Variants in EXPH5 observed in about 807,000 individuals in gnomAD.
EXPH5 encodes the protein exophilin 5.
EXPH5 carries 42 observed loss-of-function variants against 41.1 expected under a neutral mutation model. That is an observed-to-expected ratio of 1.02 (90% confidence interval 0.80 to 1.32). The LOEUF (loss-of-function observed/expected upper bound fraction) is 1.32, where lower values mean the gene tolerates loss of function less well. EXPH5 is among the 40% of genes most tolerant of loss of function. EXPH5 has a pLI of 0.00. For synonymous variants in EXPH5, 798 were observed against 833.5 expected, an observed-to-expected ratio of 0.96 and a Z score of 0.73; for missense variants, 2,298 against 2,314.5, an observed-to-expected ratio of 0.99 and a Z score of 0.15.
chr11:108,522,681 A>G (rs548814615), intron 4 of EXPH5, among the ~76,000 whole-genome samples: 1 of 152,252 alleles, frequency 6.6e-6, no homozygotes, highest in South Asian at 2.1e-4. Context: ...TGTGACCTAG[A>G]AGAGAAGTAA....
intron 1 of EXPH5, among the ~76,000 whole-genome samples, chr11:108,571,308 T>C (rs915121084): frequency 6.6e-6 from 1 of 152,190 alleles, no homozygotes; most frequent in Non-Finnish European, 1.5e-5. Context: ...TGCTATACCA[T>C]AACCCACAAC....
chr11:108,594,386 T>C (rs1458554171), upstream of EXPH5, among the ~76,000 whole-genome samples: 1 of 152,210 alleles, frequency 6.6e-6, no homozygotes, highest in Non-Finnish European at 1.5e-5. Flanking sequence ...AGAAAACACC[T>C]GTTAGAAGTT....
In EXPH5 at chr11:108,514,413, C is replaced by G; in HGVS notation, c.1094G>C (p.Arg365Thr). The G allele has an allele frequency of 6.2e-7, 1 of 1,614,112 alleles. No individual in the cohort carries two copies. The highest frequency in any genetic ancestry group is 8.5e-7 in the Non-Finnish European group (1 of 1,180,012). ...IPPRHQQSPK[R>T]TPLSSIIWNR... ...CCATATGATGGATGATAAAGGAGTT[C>G]TCTTTGGACTCTGCTGGTGCCTTGG... Residue 365 changes from arginine (R) to threonine (T), a missense_variant, in exon 6 of 6, where the codon AGA (arginine) becomes ACA (threonine). By Grantham distance (71) the Arg-to-Thr change is moderately conservative (BLOSUM62 -1). Transcript: ENST00000265843.
At chr11:108,550,032 A>C (rs1034018027) in intron 1 of EXPH5, among the ~76,000 whole-genome samples, 10 of 152,190 alleles carry the variant, frequency 6.6e-5, no homozygotes, top group African/African-American at 2.4e-4. Flanking sequence ...CAAGGAAGCA[A>C]AACAGAAATA....
Position 108,512,570 on chromosome 11 carries a change from A to G in EXPH5, c.2937T>C (p.His979=), listed in dbSNP as rs2093690088. Reference sequence around the variant, plus strand: ...TGCTTAACTTTTCAATACAGGATATATGATGCCTTATTTTTCCTTTTCCTC... The same window carrying G: ...TGCTTAACTTTTCAATACAGGATATGTGATGCCTTATTTTTCCTTTTCCTC... ...NERGKGKIRH[H]ISCIEKLSKT... is the part of the protein sequence containing the mutation. The change falls in exon 6 of 6, where the codon CAT becomes CAC. Residue 979 remains histidine (H), a synonymous_variant. Transcript: ENST00000265843. 2 of 1,612,558 alleles carry G rather than the reference A, an allele frequency of 1.2e-6. No homozygotes were observed. The highest frequency in any genetic ancestry group is 1.7e-6 in the Non-Finnish European group (2 of 1,179,704).
chr11:108,537,213 A>G (rs895520857), intron 3 of EXPH5, among the ~76,000 whole-genome samples: 5 of 152,238 alleles, frequency 3.3e-5, no homozygotes, highest in African/African-American at 1.2e-4. Flanking sequence ...TATAGGATTC[A>G]TATCCAAATA....
At chr11:108,520,359 G>C (rs568220142) in intron 4 of EXPH5, among the ~76,000 whole-genome samples, 1 of 152,050 alleles carries the variant, frequency 6.6e-6, no homozygotes, top group East Asian at 1.9e-4. Context: ...TGCCAAAAAC[G>C]GTGGGGACTG....
chr11:108,553,041 C>A (rs2093974509), intron 1 of EXPH5, among the ~76,000 whole-genome samples: 1 of 151,816 alleles, frequency 6.6e-6, no homozygotes, highest in Non-Finnish European at 1.5e-5. Flanking sequence ...ACAAAAAATA[C>A]AAAAAAATTA....
intron 1 of EXPH5, among the ~76,000 whole-genome samples, chr11:108,559,926 A>G (rs1292342894): frequency 6.6e-6 from 1 of 152,206 alleles, no homozygotes; most frequent in Admixed American, 6.5e-5. Context: ...TGCAGTTTTA[A>G]GGGTGTTGGG....
intron 1 of EXPH5, among the ~76,000 whole-genome samples, chr11:108,564,067 G>A (rs747496105): frequency 2.7e-4 from 41 of 152,166 alleles, no homozygotes; most frequent in South Asian, 8.3e-4. Flanking sequence ...ATCACTTGAG[G>A]TCAGGAGTTC....
At chr11:108,587,442 T>C (rs555062341) in intron 1 of EXPH5, among the ~76,000 whole-genome samples, 2 of 152,198 alleles carry the variant, frequency 1.3e-5, no homozygotes, top group African/African-American at 2.4e-5. Context: ...TTAAGTTCCA[T>C]TTGACTAGGT....
chr11:108,529,022 A>G (rs1591695398), intron 3 of EXPH5, among the ~76,000 whole-genome samples: 2 of 151,844 alleles, frequency 1.3e-5, no homozygotes, highest in African/African-American at 4.8e-5. Flanking sequence ...TTTCTTAACC[A>G]GTAGAGCATG....
chr11:108,538,262 G>A lies in EXPH5; in HGVS notation c.443+762C>T. ...GCACGCGGAACATATCACGTGCCAA[G>A]CCAACACCTTAAGAGGGTGGGAAGC... On this transcript the variant is annotated intron_variant, in intron 3 of 5. Transcript: ENST00000265843. 3 of 985,370 alleles carry A rather than the reference G, an allele frequency of 3.0e-6. No homozygotes were observed. In the South Asian group the frequency reaches 1.4e-4, roughly 46 times the overall value. The allele number at this position is 985,370 out of a possible 1,614,324, so 61.0% of individuals were successfully genotyped here. A position where few individuals can be genotyped will look rare whatever the true frequency, so the allele number is the denominator to read the frequency against.
Position 108,511,660 on chromosome 11 carries a change from G to A in EXPH5, c.3847C>T (p.Gln1283Ter), listed in dbSNP as rs1375596494. 1 of 1,604,866 alleles carries A rather than the reference G, an allele frequency of 6.2e-7. No individual in the cohort carries two copies. Among genetic ancestry groups the A allele is most frequent in the Non-Finnish European group, 8.5e-7 (1 of 1,177,476 alleles). Reference protein sequence around the residue: ...QNTNLLIESPQVETETFPNAL... With the variant: ...QNTNLLIESP ...TTAGGAAATGTTTCAGTCTCCACTT[G>A]AGGTGATTCTATAAGTAAATTAGTA... is the stretch of plus-strand genomic sequence containing the variant. Residue 1283 changes from glutamine (Q) to a stop codon, truncating the protein, a stop_gained, in exon 6 of 6, where the codon CAA becomes TAA. Transcript: ENST00000265843. LOFTEE classifies it low-confidence loss of function (END_TRUNC).
the EXPH5 span, among the ~76,000 whole-genome samples, chr11:108,603,025 T>C: frequency 9.2e-5 from 14 of 152,066 alleles, no homozygotes; most frequent in African/African-American, 3.1e-4. Flanking sequence ...GATCTGATGG[T>C]TTTATAAGCA....
At position 108,548,656 on chromosome 11, in the gene EXPH5, A is replaced by G. The variant is rs191011179; in HGVS notation, c.120-6844T>C. Among the ~76,000 whole-genome samples the G allele has an allele frequency of 1.6e-4, 25 of 152,330 alleles. No homozygotes were observed. In the Middle Eastern group the frequency reaches 0.01, roughly 62 times the overall value. The stretch of plus-strand genomic sequence containing the variant: ...TAAGGGTGACCCAGGAAGGGAAACG[A>G]TGACATAAAAGTCTAAATTCAAACT... On this transcript the variant is annotated intron_variant, in intron 1 of 5. Transcript: ENST00000265843.
Position 108,514,372 on chromosome 11 carries a change from A to G in EXPH5, c.1135T>C (p.Ser379Pro), listed in dbSNP as rs1445769814. 6 of 1,613,842 alleles carry G rather than the reference A, an allele frequency of 3.7e-6. No homozygotes were observed. The African/African-American group carries it at 5.3e-5, about 14-fold the overall frequency. Residue 379 changes from serine to proline, a missense_variant, in exon 6 of 6, where the codon TCT becomes CCT. Transcript: ENST00000265843. ...SSIIWNRSDS[S>P]RDRENQEEFL... is the part of the protein sequence containing the mutation. ...TCTTCCTGGTTCTCCCTGTCTCTAGAGGAATCTGATCTGTTCCATATGATG... is the reference window on the plus strand; with the variant it reads ...TCTTCCTGGTTCTCCCTGTCTCTAGGGGAATCTGATCTGTTCCATATGATG...
chr11:108,559,536 C>T (rs1013208916), intron 1 of EXPH5, among the ~76,000 whole-genome samples: 76 of 152,302 alleles, frequency 5.0e-4, no homozygotes, highest in African/African-American at 1.7e-3. Context: ...TTATATTGTT[C>T]ATGGCTTCTT....
At position 108,510,163 on chromosome 11, in the gene EXPH5, A is replaced by G; in HGVS notation, c.5344T>C (p.Ser1782Pro). The change falls in exon 6 of 6, where the codon TCT becomes CCT. Residue 1782 changes from serine (S) to proline (P), a missense_variant. Ser to Pro is a moderately conservative substitution (Grantham distance 74). Coordinates refer to ENST00000265843, the MANE Select transcript of EXPH5 (RefSeq NM_015065.3). Reference sequence around the variant, plus strand: ...TGTGGCTCAGGTTCCCACTCCAGAGATGAAGCACTCCTTTGTTGCTGCAGA... The same window carrying G: ...TGTGGCTCAGGTTCCCACTCCAGAGGTGAAGCACTCCTTTGTTGCTGCAGA... The part of the protein sequence containing the change: ...SFLQQQRSAS[S>P]LEWEPEPHLY... The G allele has an allele frequency of 6.2e-7, 1 of 1,614,058 alleles. No individual in the cohort carries two copies. Among genetic ancestry groups the G allele is most frequent in the Non-Finnish European group, 8.5e-7 (1 of 1,180,020 alleles).
Sources: gnomAD v4.1 joint callset for allele counts (sites outside exome capture counted in the v4.1 genomes callset) on GRCh38, gnomAD v4.1.1 for gene constraint, MANE v1.5 for transcripts, NCBI Gene and HGNC (gene_info 2026-07-23, HGNC 2026-07-21) for gene names.